The following MYO1B variants were observed in gnomAD, a reference collection of about 807,000 sequenced individuals.
The protein encoded by MYO1B is myosin IB, also known as unconventional myosin-Ib.
In MYO1B, 72 loss-of-function variants were observed where a neutral mutation model predicts 159.7. The observed-to-expected ratio is 0.45, with a 90% CI of 0.37 to 0.55. The LOEUF is 0.55. MYO1B is among the 20% of genes least tolerant of loss of function. The probability of loss-of-function intolerance (pLI) is 0.00; values close to 1 mark genes in which losing one functional copy is unlikely to be tolerated. For missense variants in MYO1B, 1,062 were observed against 1,364.8 expected, an observed-to-expected ratio of 0.78 and a Z score of 3.50; for synonymous variants, 468 against 473.8, an observed-to-expected ratio of 0.99 and a Z score of 0.16.
rs906711348 is a variant in MYO1B at position 191,341,521 on chromosome 2, A to T, written c.407A>T (p.Asn136Ile). The T allele has an allele frequency of 1.2e-5, 19 of 1,614,002 alleles. No individual in the cohort carries two copies. The highest frequency in any genetic ancestry group is 1.4e-5 in the Non-Finnish European group (17 of 1,179,982). ...GTTTGTGGAAAAGGAGCAGAAGTTAATCAAGTTAAAGAACAGCTTTTACAG... is the reference window on the plus strand; with the variant it reads ...GTTTGTGGAAAAGGAGCAGAAGTTATTCAAGTTAAAGAACAGCTTTTACAG... ...AAVCGKGAEVNQVKEQLLQSN... is the reference protein window; with the variant it reads ...AAVCGKGAEVIQVKEQLLQSN... Residue 136 changes from asparagine (N) to isoleucine (I), a missense_variant, in exon 5 of 31, where the codon AAT becomes ATT. Physicochemically the swap from Asn to Ile is moderately radical, Grantham distance 149 (BLOSUM62 -3). Around this residue, in one of 5 missense-constraint regions of MYO1B, gnomAD observed 415 missense variants for 544.0 expected, o/e 0.76. Coordinates refer to ENST00000392318, the MANE Select transcript of MYO1B (RefSeq NM_001130158.3).
intron 3 of MYO1B, among the ~76,000 whole-genome samples, chr2:191,316,016 A>T (rs771828117): frequency 6.6e-6 from 1 of 152,142 alleles, no homozygotes; most frequent in Non-Finnish European, 1.5e-5. Context: ...TGATGGTTTG[A>T]CTCAATTAAA....
rs188994946 is a variant in MYO1B at position 191,332,009 on chromosome 2, C to T, written c.346+1980C>T. On this transcript the variant is annotated intron_variant, in intron 4 of 30. Coordinates refer to ENST00000392318, the MANE Select transcript of MYO1B (RefSeq NM_001130158.3). ...CAGAGTCTCGCTCTTATAGCCCTGG[C>T]TGGAGTGCAATGGCGCGATCTTGGC... is the stretch of plus-strand genomic sequence containing the variant. Among the ~76,000 whole-genome samples, 1,164 of 152,336 alleles carry T rather than the reference C, an allele frequency of 7.6e-3. 9 individuals carry two copies. The highest frequency in any genetic ancestry group is 0.027 in the African/African-American group (1,113 of 41,562).
intron 24 of MYO1B, among the ~76,000 whole-genome samples, chr2:191,406,651 A>T (rs1696932676): frequency 6.6e-6 from 1 of 152,212 alleles, no homozygotes; most frequent in Non-Finnish European, 1.5e-5. Context: ...CTGTCTCTTG[A>T]TTAAGTTCAC....
chr2:191,282,515 G>A (rs941384367), intron 2 of MYO1B, among the ~76,000 whole-genome samples: 1 of 151,992 alleles, frequency 6.6e-6, no homozygotes, highest in Admixed American at 6.6e-5. Flanking sequence ...AATAACAAAT[G>A]CTTTTGGGAA....
intron 3 of MYO1B, among the ~76,000 whole-genome samples, chr2:191,328,108 C>T (rs1388290111): frequency 1.3e-5 from 2 of 152,190 alleles, no homozygotes; most frequent in African/African-American, 4.8e-5. Flanking sequence ...CTTCTCATGT[C>T]ATCTCTTAAG....
chr2:191,399,022 G>C (rs548845614), intron 21 of MYO1B, among the ~76,000 whole-genome samples: 298 of 152,314 alleles, frequency 2.0e-3, no homozygotes, highest in African/African-American at 7.0e-3. Flanking sequence ...CCGGCACCTC[G>C]GGAGGCCGAG....
chr2:191,409,079 G>T lies in MYO1B; in HGVS notation c.2667G>T (p.Met889Ile). Residue 889 changes from methionine to isoleucine, a missense_variant, in exon 26 of 31, where the codon ATG (methionine) becomes ATT (isoleucine). Transcript: ENST00000392318. Reference protein sequence around the residue: ...QKYFLEMKNKMPSLSPIDKNW... With the variant: ...QKYFLEMKNKIPSLSPIDKNW... Reference sequence around the variant, plus strand: ...ACTTCTTGGAAATGAAAAATAAGATGCCTTCCTTATCTCCAATAGACAAGA... The same window carrying T: ...ACTTCTTGGAAATGAAAAATAAGATTCCTTCCTTATCTCCAATAGACAAGA... 1 of 1,611,750 alleles carries T rather than the reference G, an allele frequency of 6.2e-7. No homozygotes were observed. Among genetic ancestry groups the T allele is most frequent in the South Asian group, 1.1e-5 (1 of 90,136 alleles).
At chr2:191,278,189 G>A (rs946769193) in intron 2 of MYO1B, among the ~76,000 whole-genome samples, 3 of 152,164 alleles carry the variant, frequency 2.0e-5, no homozygotes, top group Non-Finnish European at 4.4e-5. Context: ...GAAGTCCACG[G>A]TGAAGGGGCT....
chr2:191,346,351 A>T, intron 6 of MYO1B, 69 bp downstream of exon 6: 2 of 1,032,762 alleles, frequency 1.9e-6, no homozygotes, highest in Non-Finnish European at 2.7e-6. Context: ...CAACCAGTAG[A>T]TGTTTAATAT....
chr2:191,383,463 T>C lies in MYO1B; in HGVS notation c.1353+121T>C, dbSNP rs1415666381. 21 of 23,626 alleles carry C rather than the reference T, an allele frequency of 8.9e-4. 1 individual carries two copies. The highest frequency in any genetic ancestry group is 3.4e-3 in the Non-Finnish European group (20 of 5,828). 1.5% of individuals were successfully genotyped at this position (23,626 alleles called of 1,614,324 possible). ...TCACTGTTTTTTATATATATATATA[T>C]ATATATATATACACACACACATATA... On this transcript the variant is annotated intron_variant, in intron 15 of 30. Coordinates refer to ENST00000392318, the MANE Select transcript of MYO1B (RefSeq NM_001130158.3).
At chr2:191,280,912 G>A (rs1422698045) in intron 2 of MYO1B, among the ~76,000 whole-genome samples, 2 of 152,260 alleles carry the variant, frequency 1.3e-5, no homozygotes, top group Non-Finnish European at 1.5e-5. Flanking sequence ...CTTCAAGTGC[G>A]CCCAATGGCT....
intron 12 of MYO1B, 76 bp downstream of exon 12, chr2:191,369,704 A>G: frequency 9.0e-7 from 1 of 1,113,000 alleles, no homozygotes. Context: ...AAGAAAGTTT[A>G]AATTTATAAT....
intron 7 of MYO1B, among the ~76,000 whole-genome samples, chr2:191,356,767 T>C (rs1207987380): frequency 2.0e-5 from 3 of 152,358 alleles, no homozygotes; most frequent in Non-Finnish European, 4.4e-5. Flanking sequence ...TTCAGATACA[T>C]TCATGAACGA....
At chr2:191,414,763 T>G (rs1697462184) in intron 29 of MYO1B, 94 bp downstream of exon 29, 3 of 1,383,674 alleles carry the variant, frequency 2.2e-6, no homozygotes, top group Admixed American at 3.3e-5. Context: ...TTTATATATC[T>G]GCCTTGCTAA....
rs1439882821 is a variant in MYO1B at position 191,292,345 on chromosome 2, C to A, written c.136-3766C>A. Among the ~76,000 whole-genome samples the A allele has an allele frequency of 2.6e-4, 40 of 152,270 alleles. 1 individual carries two copies. The highest frequency in any genetic ancestry group is 2.5e-3 in the Admixed American group (38 of 15,298). On this transcript the variant is annotated intron_variant, in intron 2 of 30. Transcript: ENST00000392318. ...AGCCCTCCTTGGGAGATCCTGAGAA[C>A]ATGTGCCCAAGATGATTGGGACATT...
rs780548634 is a variant in MYO1B at position 191,381,497 on chromosome 2, T to C, written c.1221T>C (p.Cys407=). Residue 407 remains cysteine (C), a synonymous_variant, in exon 14 of 31, where the codon TGT becomes TGC. Transcript: ENST00000392318. ...NSFEQFIINY[C]NEKLQQIFIE... is the part of the protein sequence containing the mutation. ...TTGAGCAGTTCATTATTAATTATTG[T>C]AACGAAAAGCTGCAACAAATCTTCA... is the stretch of plus-strand genomic sequence containing the variant. 1.9e-6 allele frequency: 3 copies of C among 1,613,782 alleles called. No individual in the cohort carries two copies. Among genetic ancestry groups the C allele is most frequent in the Admixed American group, 3.3e-5 (2 of 59,992 alleles).
intron 4 of MYO1B, among the ~76,000 whole-genome samples, chr2:191,334,285 C>T (rs1375522364): frequency 1.3e-5 from 2 of 152,154 alleles, no homozygotes; most frequent in Admixed American, 6.5e-5. Flanking sequence ...CAGTATGTGA[C>T]ATCCGCCTTC....
At chr2:191,291,856 C>T (rs1262176328) in intron 2 of MYO1B, among the ~76,000 whole-genome samples, 2 of 152,168 alleles carry the variant, frequency 1.3e-5, no homozygotes, top group Admixed American at 1.3e-4. Flanking sequence ...CTGTAGTCAC[C>T]TGAATGTAGA....
chr2:191,317,112 G>A (rs559149275), intron 3 of MYO1B, among the ~76,000 whole-genome samples: 13 of 152,320 alleles, frequency 8.5e-5, no homozygotes, highest in African/African-American at 2.6e-4. Context: ...AGCAAGCCAT[G>A]ATGGAGGGAG....
Sources: allele counts gnomAD v4.1 joint callset (sites outside exome capture counted in the v4.1 genomes callset), GRCh38; gene constraint gnomAD v4.1.1; regional missense constraint gnomAD v4.1.1; transcripts MANE v1.5; gene names NCBI Gene and HGNC (gene_info 2026-07-23, HGNC 2026-07-21).